SLC6A12: variants seen among roughly 807,000 people sequenced by gnomAD.
The protein encoded by SLC6A12 is solute carrier family 6 member 12.
Under a neutral mutation model 73.3 loss-of-function variants are expected in SLC6A12, and 50 were observed. The observed-to-expected ratio is 0.68, with a 90% CI of 0.54 to 0.86. SLC6A12 has a LOEUF of 0.86. Ranked by LOEUF, SLC6A12 falls within the 40% of genes least tolerant of loss-of-function variation. The pLI, the probability that SLC6A12 is intolerant of heterozygous loss-of-function variation, is 0.00. For synonymous variants in SLC6A12, 304 were observed against 309.2 expected (o/e 0.98, Z 0.18); for missense variants, 648 against 772.8 (o/e 0.84, Z 1.92).
At chr12:188,407 C>G (rs1201435552), downstream of SLC6A12, among the ~76,000 whole-genome samples, 5 of 152,092 alleles carry the variant, frequency 3.3e-5, no homozygotes, top group Admixed American at 3.3e-4. Context: ...CCGGAACTCG[C>G]GCTGGCCCGC....
chr12:189,963 G>C (rs371879385), downstream of SLC6A12: 3 of 152,370 alleles, frequency 2.0e-5, no homozygotes, highest in African/African-American at 7.2e-5. Context: ...AAATTACCAA[G>C]GCGGGGGCGC....
At chr12:193,710 C>T (rs893374148) in intron 13 of SLC6A12, among the ~76,000 whole-genome samples, 5 of 152,302 alleles carry the variant, frequency 3.3e-5, no homozygotes, top group East Asian at 1.9e-4. Context: ...GTTAGACAAA[C>T]GCCTGTTTAC....
chr12:197,367 T>G lies in SLC6A12; in HGVS notation c.1075+10A>C. 14 of 1,610,874 alleles carry G rather than the reference T, an allele frequency of 8.7e-6. No homozygotes were observed. The highest frequency in any genetic ancestry group is 1.2e-5 in the Non-Finnish European group (14 of 1,178,380). On this transcript the variant is annotated intron_variant, in intron 10 of 15. Coordinates refer to ENST00000684302, the MANE Select transcript of SLC6A12 (RefSeq NM_001122848.3). ...TCCCCTCAGGCCCCAGACAGCAAAG[T>G]GGCACCTACCTGACTCGGCCACTTC...
chr12:196,679 G>A, intron 11 of SLC6A12, 91 bp downstream of exon 11: 1 of 891,906 alleles, frequency 1.1e-6, no homozygotes, highest in Non-Finnish European at 1.8e-6. Flanking sequence ...TGTGGTCAGG[G>A]GAGTGGGAGT....
intron 3 of SLC6A12, among the ~76,000 whole-genome samples, chr12:207,908 T>C (rs1199210942): frequency 6.6e-6 from 1 of 152,150 alleles, no homozygotes; most frequent in Non-Finnish European, 1.5e-5. Context: ...CGATATTCCA[T>C]AATGTTACTG....
At position 197,873 on chromosome 12, in the gene SLC6A12, C is replaced by T. The variant is rs370961165; in HGVS notation, c.950+27G>A. The T allele has an allele frequency of 3.0e-5, 42 of 1,399,704 alleles. No individual in the cohort carries two copies. In the African/African-American group the frequency reaches 4.2e-4, roughly 14 times the overall value. 86.7% of individuals were successfully genotyped at this position (1,399,704 alleles called of 1,614,324 possible). A position where few individuals can be genotyped will look rare whatever the true frequency, so the allele number is the denominator to read the frequency against. ...ATCCCCAGGCCCCAACCCTCCTTCA[C>T]CCCACCCCGGCCCACGCTGTTCTCA... On this transcript the variant is annotated intron_variant, in intron 9 of 15. Coordinates refer to ENST00000684302, the MANE Select transcript of SLC6A12 (RefSeq NM_001122848.3).
chr12:187,627 A>C (rs1398292020), downstream of SLC6A12, among the ~76,000 whole-genome samples: 4 of 43,356 alleles, frequency 9.2e-5, no homozygotes, highest in Admixed American at 2.4e-4. Flanking sequence ...AAAAAAAAAA[A>C]AAAACAAACC....
In SLC6A12 at chr12:200,350, C is replaced by T. The variant is rs956390400; in HGVS notation, c.711+301G>A. On this transcript the variant is annotated intron_variant, in intron 7 of 15. Coordinates refer to ENST00000684302, the MANE Select transcript of SLC6A12 (RefSeq NM_001122848.3). Reference sequence around the variant, plus strand: ...GTCTCGATCTCCTGACCTCGTGATCCGCCAGCCTCGGCCTCCCAAAGTGCT... The same window carrying T: ...GTCTCGATCTCCTGACCTCGTGATCTGCCAGCCTCGGCCTCCCAAAGTGCT... 2.0e-4 allele frequency among the ~76,000 whole-genome samples: 31 copies of T among 152,082 alleles called. 1 individual carries two copies. Among genetic ancestry groups the T allele is most frequent in the African/African-American group, 5.3e-4 (22 of 41,460 alleles).
At chr12:203,985 A>G (rs1940472572) in intron 4 of SLC6A12, 1 of 152,602 alleles carries the variant, frequency 6.6e-6, no homozygotes, top group African/African-American at 2.4e-5. Flanking sequence ...AAAAGAAGGA[A>G]AGAGCCACGA....
chr12:209,003 G>A (rs1284734549), intron 3 of SLC6A12, among the ~76,000 whole-genome samples: 1 of 152,068 alleles, frequency 6.6e-6, no homozygotes, highest in African/African-American at 2.4e-5. Flanking sequence ...CCTGTGACCT[G>A]TCCAACCTCA....
At chr12:202,646 G>C (rs1482410814) in intron 5 of SLC6A12, 94 bp downstream of exon 5, 1 of 1,362,124 alleles carries the variant, frequency 7.3e-7, no homozygotes, top group Non-Finnish European at 1.0e-6. Context: ...GGCAGGTTCT[G>C]CTACACTTAT....
chr12:187,632 C>CAAAAAAAAAAA (rs766643317), downstream of SLC6A12, among the ~76,000 whole-genome samples: 255 of 96,356 alleles, frequency 2.6e-3, 14 homozygotes, highest in African/African-American at 0.011. Flanking sequence ...AAAAAAAAAA[C>CAAAAAAAAAAA]AAACCACACA....
At chr12:211,837 G>A (rs1407805903) in intron 2 of SLC6A12, among the ~76,000 whole-genome samples, 189 bp downstream of exon 2, 2 of 152,180 alleles carry the variant, frequency 1.3e-5, no homozygotes, top group Non-Finnish European at 2.9e-5. Flanking sequence ...ATCTGAGTCA[G>A]CAGTATGTTA....
chr12:208,675 C>T (rs1940770853), intron 3 of SLC6A12, among the ~76,000 whole-genome samples: 1 of 152,090 alleles, frequency 6.6e-6, no homozygotes, highest in Admixed American at 6.6e-5. Flanking sequence ...AGCACATAAG[C>T]GTTGCCAAGG....
chr12:186,821 G>A (rs1009119780), downstream of SLC6A12, among the ~76,000 whole-genome samples: 2 of 152,196 alleles, frequency 1.3e-5, no homozygotes, highest in Non-Finnish European at 2.9e-5. Context: ...ACTTGACCCA[G>A]GATTCATGGA....
chr12:201,975 C>T (rs1435138641), intron 5 of SLC6A12, 126 bp from the exon 6 acceptor site: 4 of 725,300 alleles, frequency 5.5e-6, no homozygotes, highest in Non-Finnish European at 9.4e-6. Context: ...TTTTGGAGCC[C>T]CCACTCTCCA....
At chr12:193,399 G>C (rs773797327) in intron 13 of SLC6A12, 22 bp from the exon 14 acceptor site, 10 of 1,568,722 alleles carry the variant, frequency 6.4e-6, no homozygotes, top group South Asian at 4.4e-5. Context: ...TGGCGTGGGA[G>C]AGTGTGAGAG....
intron 5 of SLC6A12, 76 bp downstream of exon 5, chr12:202,664 G>T: frequency 6.8e-7 from 1 of 1,472,930 alleles, no homozygotes; most frequent in Non-Finnish European, 9.3e-7. Context: ...TATACTCCCC[G>T]TCGTTGCTTG....
the SLC6A12 span, among the ~76,000 whole-genome samples, chr12:184,478 C>T: frequency 2.0e-5 from 3 of 151,934 alleles, no homozygotes; most frequent in African/African-American, 4.8e-5. Context: ...CACAAAAATT[C>T]GGTGGTTCAT....
Sources: gnomAD v4.1 joint callset for allele counts (sites outside exome capture counted in the v4.1 genomes callset) on GRCh38, gnomAD v4.1.1 for gene constraint, MANE v1.5 for transcripts, NCBI Gene and HGNC (gene_info 2026-07-23, HGNC 2026-07-21) for gene names.